The following ALMS1 variants were observed in gnomAD, a reference collection of about 807,000 sequenced individuals.
The protein encoded by ALMS1 is ALMS1 centrosome and basal body associated protein, also known as centrosome-associated protein ALMS1.
A neutral mutation model predicts 352.2 loss-of-function variants in ALMS1; 271 were observed. The observed-to-expected ratio is 0.77, with a 90% CI of 0.70 to 0.85. The LOEUF (loss-of-function observed/expected upper bound fraction) is 0.85. Ranked by LOEUF, ALMS1 falls within the 40% of genes least tolerant of loss-of-function variation. The probability of loss-of-function intolerance (pLI) is 0.00; values close to 1 mark genes in which losing one functional copy is unlikely to be tolerated. For missense variants in ALMS1, 5,445 were observed against 4,870.7 expected, an observed-to-expected ratio of 1.12 and a Z score of -3.51; for synonymous variants, 1,865 against 1,761.2, an observed-to-expected ratio of 1.06 and a Z score of -1.48.
intron 1 of ALMS1, among the ~76,000 whole-genome samples, chr2:73,403,499 A>G (rs1231825030): frequency 7.2e-5 from 11 of 152,110 alleles, no homozygotes. Flanking sequence ...TTACAGAATT[A>G]CTTTGGCTCT....
intron 1 of ALMS1, among the ~76,000 whole-genome samples, chr2:73,391,453 C>T (rs1334948632): frequency 1.3e-4 from 19 of 151,952 alleles, no homozygotes; most frequent in Admixed American, 1.2e-3. Context: ...GCCACCACGC[C>T]CGGCTATTAT....
chr2:73,528,941 T>G (rs1029335206), intron 11 of ALMS1, among the ~76,000 whole-genome samples: 5 of 152,094 alleles, frequency 3.3e-5, no homozygotes, highest in Admixed American at 6.5e-5. Flanking sequence ...TATTTCTGCT[T>G]CTTTTTAATT....
chr2:73,395,144 C>T (rs1453801114), intron 1 of ALMS1, among the ~76,000 whole-genome samples: 1 of 137,670 alleles, frequency 7.3e-6, no homozygotes, highest in Non-Finnish European at 1.5e-5. Context: ...TGCAGTGACA[C>T]AATCTCCGCC....
At chr2:73,519,357 G>T (rs1040772488) in intron 10 of ALMS1, among the ~76,000 whole-genome samples, 1 of 152,090 alleles carries the variant, frequency 6.6e-6, no homozygotes, top group African/African-American at 2.4e-5. Context: ...AGATATAACT[G>T]CAACCTTGAA....
In ALMS1 at chr2:73,572,726, T is replaced by G. The variant is rs780187704; in HGVS notation, c.10849T>G (p.Leu3617Val). 3.7e-6 allele frequency: 6 copies of G among 1,613,784 alleles called. No homozygotes were observed. Among genetic ancestry groups the G allele is most frequent in the African/African-American group, 1.3e-5 (1 of 74,838 alleles). Residue 3617 changes from leucine (L) to valine (V), a missense_variant, in exon 16 of 23, where the codon TTG (leucine) becomes GTG (valine). By Grantham distance (32) the Leu-to-Val change is conservative. Transcript: ENST00000613296. The stretch of plus-strand genomic sequence containing the variant: ...ACAGAGGCAACAGAGACAGCCTGAG[T>G]TGGGTGACAGGAAAGAACTGTCCTT... ...ERQRQQRQPE[L>V]GDRKELSLVD...
At position 73,426,569 on chromosome 2, in the gene ALMS1, AT is replaced by A; in HGVS notation, c.1338+17del. The A allele has an allele frequency of 6.2e-7, 1 of 1,610,966 alleles. No individual in the cohort carries two copies. The highest frequency in any genetic ancestry group is 8.5e-7 in the Non-Finnish European group (1 of 1,177,124). On this transcript the variant is annotated intron_variant, in intron 6 of 22. Transcript: ENST00000613296. The stretch of plus-strand genomic sequence containing the variant: ...ACAAAGAAAGGTGAGACACAATAAA[AT>A]GATAGTTGTAAGAAACGTGGCCTTT...
At chr2:73,412,611 G>A (rs1671101293) in intron 2 of ALMS1, among the ~76,000 whole-genome samples, 2 of 152,064 alleles carry the variant, frequency 1.3e-5, no homozygotes, top group Non-Finnish European at 1.5e-5. Context: ...CCAATATGGT[G>A]TAGTAGAAAC....
At chr2:73,578,725 T>G (rs1162290206) in intron 16 of ALMS1, among the ~76,000 whole-genome samples, 1 of 152,184 alleles carries the variant, frequency 6.6e-6, no homozygotes, top group Non-Finnish European at 1.5e-5. Context: ...TTAATTGTTA[T>G]AGTCACAGAT....
At chr2:73,482,906 T>C (rs2103870491) in intron 9 of ALMS1, among the ~76,000 whole-genome samples, 1 of 152,330 alleles carries the variant, frequency 6.6e-6, no homozygotes, top group Non-Finnish European at 1.5e-5. Context: ...TTTGTATTTC[T>C]GTGGGATCGG....
intron 9 of ALMS1, among the ~76,000 whole-genome samples, chr2:73,488,272 C>T (rs1310991634): frequency 6.6e-6 from 1 of 152,226 alleles, no homozygotes; most frequent in South Asian, 2.1e-4. Flanking sequence ...CTTGTGGGTG[C>T]CCAGTGTCTG....
chr2:73,443,234 A>T (rs1265304625), intron 7 of ALMS1, among the ~76,000 whole-genome samples: 1 of 152,178 alleles, frequency 6.6e-6, no homozygotes, highest in East Asian at 1.9e-4. Context: ...ACTCCTTAGT[A>T]CATAGTAGAA....
intron 9 of ALMS1, among the ~76,000 whole-genome samples, chr2:73,480,385 T>G (rs1364927167): frequency 2.6e-5 from 4 of 152,174 alleles, no homozygotes; most frequent in Non-Finnish European, 4.4e-5. Flanking sequence ...TTCATCCATG[T>G]CCCTACAAAG....
intron 10 of ALMS1, among the ~76,000 whole-genome samples, chr2:73,501,612 G>T (rs1673219356): frequency 6.6e-6 from 1 of 152,044 alleles, no homozygotes; most frequent in African/African-American, 2.4e-5. Flanking sequence ...GGCCTTATAT[G>T]TGTAAGTTTT....
intron 2 of ALMS1, 124 bp from the exon 3 acceptor site, chr2:73,418,999 C>A: frequency 1.2e-6 from 1 of 821,088 alleles, no homozygotes; most frequent in Non-Finnish European, 2.0e-6. Flanking sequence ...ATTTTCTATA[C>A]TTTGATGAGA....
At chr2:73,507,495 A>C (rs940602334) in intron 10 of ALMS1, among the ~76,000 whole-genome samples, 1 of 152,100 alleles carries the variant, frequency 6.6e-6, no homozygotes, top group African/African-American at 2.4e-5. Context: ...TTCCTGGTTT[A>C]GTCTTGGGAG....
At chr2:73,477,327 C>T (rs1297040781) in intron 9 of ALMS1, among the ~76,000 whole-genome samples, 5 of 152,040 alleles carry the variant, frequency 3.3e-5, no homozygotes, top group Non-Finnish European at 5.9e-5. Context: ...ACTGTCGGTT[C>T]TATGCCATTG....
intron 11 of ALMS1, among the ~76,000 whole-genome samples, chr2:73,533,882 A>G (rs914414335): frequency 4.6e-5 from 7 of 152,178 alleles, no homozygotes; most frequent in African/African-American, 1.2e-4. Context: ...TACTTTTTTG[A>G]AAACTTCATG....
In ALMS1 at chr2:73,519,855, A is replaced by T; in HGVS notation, c.9620A>T (p.Glu3207Val). The T allele has an allele frequency of 6.2e-7, 1 of 1,614,102 alleles. No individual in the cohort carries two copies. Among genetic ancestry groups the T allele is most frequent in the Non-Finnish European group, 8.5e-7 (1 of 1,179,972 alleles). Reference protein sequence around the residue: ...SSDAVTQITTESPEKTLFSSE... With the variant: ...SSDAVTQITTVSPEKTLFSSE... ...GATGCAGTCACTCAGATAACAACAG[A>T]AAGTCCAGAAAAGACCCTATTTTCA... Residue 3207 changes from glutamate to valine, a missense_variant, in exon 11 of 23, where the codon GAA becomes GTA. Glu to Val is a moderately radical substitution (Grantham distance 121). Transcript: ENST00000613296.
At chr2:73,520,336 C>T (rs72811935) in intron 11 of ALMS1, among the ~76,000 whole-genome samples, 13 of 152,064 alleles carry the variant, frequency 8.5e-5, no homozygotes, top group African/African-American at 1.4e-4. Context: ...TTTAAAATGG[C>T]GGATAAATTA....
Sources: gnomAD v4.1 joint callset for allele counts (sites outside exome capture counted in the v4.1 genomes callset) on GRCh38, gnomAD v4.1.1 for gene constraint, MANE v1.5 for transcripts, NCBI Gene and HGNC (gene_info 2026-07-23, HGNC 2026-07-21) for gene names.